TRIO: variants seen among roughly 807,000 people sequenced by gnomAD.
TRIO encodes trio Rho guanine nucleotide exchange factor, also known as triple functional domain protein.
Under a neutral mutation model 351.9 loss-of-function variants are expected in TRIO, and 58 were observed. That is an observed-to-expected ratio of 0.16 (90% confidence interval 0.13 to 0.21). The LOEUF (loss-of-function observed/expected upper bound fraction) is 0.21, where lower values mean the gene tolerates loss of function less well. TRIO is among the 10% of genes least tolerant of loss of function. The probability of loss-of-function intolerance (pLI) is 1.00; values close to 1 mark genes in which losing one functional copy is unlikely to be tolerated. For missense variants in TRIO, 3,201 were observed against 4,027.8 expected, an observed-to-expected ratio of 0.79 and a Z score of 5.56; for synonymous variants, 1,758 against 1,595.7, an observed-to-expected ratio of 1.10 and a Z score of -2.42.
intron 33 of TRIO, among the ~76,000 whole-genome samples, chr5:14,407,754 C>T (rs1385206719): frequency 6.6e-6 from 1 of 152,090 alleles, no homozygotes; most frequent in Non-Finnish European, 1.5e-5. Context: ...TCCAAAAATC[C>T]CACAAAGTAA....
chr5:14,458,799 G>A (rs1023321626), intron 34 of TRIO, among the ~76,000 whole-genome samples: 5 of 152,180 alleles, frequency 3.3e-5, no homozygotes, highest in Non-Finnish European at 5.9e-5. Context: ...GCTAGGAACT[G>A]TGTCTACCTC....
chr5:14,331,393 G>A, intron 10 of TRIO, among the ~76,000 whole-genome samples: 1 of 152,098 alleles, frequency 6.6e-6, no homozygotes, highest in East Asian at 1.9e-4. Context: ...TTAACTTTCT[G>A]ATCTGAAAAA....
At position 14,369,366 on chromosome 5, in the gene TRIO, G is replaced by C; in HGVS notation, c.3067-8G>C. ...CAAGTCTGAGCCTCAAACTTTTCCT[G>C]CTCACAGGTCTGCAGCGTCCTCGAG... On this transcript the variant is annotated splice_polypyrimidine_tract_variant and splice_region_variant and intron_variant, in intron 17 of 56. Transcript: ENST00000344204. The C allele has an allele frequency of 6.2e-7, 1 of 1,600,446 alleles. No individual in the cohort carries two copies. Among genetic ancestry groups the C allele is most frequent in the East Asian group, 2.2e-5 (1 of 44,460 alleles).
chr5:14,149,129 G>T (rs1032723728), intron 1 of TRIO, among the ~76,000 whole-genome samples: 2 of 152,130 alleles, frequency 1.3e-5, no homozygotes, highest in African/African-American at 4.8e-5. Context: ...AGAGGCTTGC[G>T]GGGCCCTGCA....
intron 1 of TRIO, among the ~76,000 whole-genome samples, chr5:14,257,028 A>G (rs975156727): frequency 3.9e-5 from 6 of 152,186 alleles, no homozygotes; most frequent in Non-Finnish European, 7.3e-5. Context: ...CTCTGTGCCA[A>G]AGTAGAGTGG....
intron 28 of TRIO, among the ~76,000 whole-genome samples, chr5:14,396,765 C>T (rs531157804): frequency 2.0e-5 from 3 of 152,088 alleles, no homozygotes; most frequent in African/African-American, 4.8e-5. Flanking sequence ...CCACCACACC[C>T]GGCCTCTGTT....
At chr5:14,507,592 G>A (rs1389283269) in intron 56 of TRIO, among the ~76,000 whole-genome samples, 2 of 152,084 alleles carry the variant, frequency 1.3e-5, no homozygotes, top group Non-Finnish European at 2.9e-5. Context: ...TGCTGGGAGG[G>A]AAAATGAACA....
At chr5:14,366,112 T>C (rs1056680367) in intron 15 of TRIO, among the ~76,000 whole-genome samples, 2 of 152,026 alleles carry the variant, frequency 1.3e-5, no homozygotes, top group Non-Finnish European at 2.9e-5. Context: ...TTAAGCCCTC[T>C]CTCAAAGTTG....
At chr5:14,190,778 C>G (rs1346074521) in intron 1 of TRIO, among the ~76,000 whole-genome samples, 2 of 152,084 alleles carry the variant, frequency 1.3e-5, no homozygotes, top group Non-Finnish European at 2.9e-5. Context: ...AAATCCACCT[C>G]AAAAAGAAGT....
rs1462004991 is a variant in TRIO at position 14,461,251 on chromosome 5, C to T, written c.5436C>T (p.Ala1812=). 9 of 1,593,594 alleles carry T rather than the reference C, an allele frequency of 5.6e-6. No homozygotes were observed. In the Admixed American group the frequency reaches 1.0e-4, roughly 18 times the overall value. ...GCGAGGTCCGCAAGAGCGCCGACGCCGGCTCGCAGAAGGACTCCGACGACA... is the reference window on the plus strand; with the variant it reads ...GCGAGGTCCGCAAGAGCGCCGACGCTGGCTCGCAGAAGGACTCCGACGACA... The part of the protein sequence containing the change: ...KSREVRKSAD[A]GSQKDSDDSA... Residue 1812 remains alanine, a synonymous_variant, in exon 35 of 57, where the codon GCC becomes GCT. Transcript: ENST00000344204.
chr5:14,289,100 A>T (rs1736691027), intron 4 of TRIO, among the ~76,000 whole-genome samples: 1 of 151,796 alleles, frequency 6.6e-6, no homozygotes. Flanking sequence ...AAAATTAGCC[A>T]GGTGTGGCCG....
chr5:14,374,091 C>G (rs970977767), intron 18 of TRIO, 138 bp from the exon 19 acceptor site: 2 of 569,662 alleles, frequency 3.5e-6, no homozygotes, highest in Admixed American at 6.1e-5. Context: ...TAGATTTTAT[C>G]CTATGCATTT....
At position 14,277,731 on chromosome 5, in the gene TRIO, C is replaced by A. The variant is rs113717273; in HGVS notation, c.233-2591C>A. On this transcript the variant is annotated intron_variant, in intron 2 of 56. Coordinates refer to ENST00000344204, the MANE Select transcript of TRIO (RefSeq NM_007118.4). ...TACTTCCTGTGATGTTGGAAACCAA[C>A]CTAAATCTTGGGGAATAGAATTAAA... Among the ~76,000 whole-genome samples, 1,262 of 152,312 alleles carry A rather than the reference C, an allele frequency of 8.3e-3. 15 individuals are homozygous for A. The highest frequency in any genetic ancestry group is 0.028 in the African/African-American group (1,183 of 41,584).
At position 14,437,693 on chromosome 5, in the gene TRIO, C is replaced by G. The variant is rs937554438; in HGVS notation, c.5203+17672C>G. On this transcript the variant is annotated intron_variant, in intron 34 of 56. Transcript: ENST00000344204. ...GCATATTGGATGAGGACCACCCCCCCCGCCCCAAGGACCTCATTTTAACTC... is the reference window on the plus strand; with the variant it reads ...GCATATTGGATGAGGACCACCCCCCGCGCCCCAAGGACCTCATTTTAACTC... Among the ~76,000 whole-genome samples, 36 of 141,368 alleles carry G rather than the reference C, an allele frequency of 2.5e-4. 1 individual carries two copies. Among genetic ancestry groups the G allele is most frequent in the African/African-American group, 9.4e-4 (34 of 36,256 alleles). 92.7% of individuals were successfully genotyped at this position (141,368 alleles called of 152,430 possible). A position where few individuals can be genotyped will look rare whatever the true frequency, so the allele number is the denominator to read the frequency against.
intron 34 of TRIO, among the ~76,000 whole-genome samples, chr5:14,438,346 C>CA (rs1202896655): frequency 1.3e-5 from 2 of 152,222 alleles, no homozygotes; most frequent in Non-Finnish European, 2.9e-5. Flanking sequence ...AATGTTCTCA[C>CA]ACGGCAGATA....
At chr5:14,391,135 A>G (rs1200730835) in intron 27 of TRIO, 145 bp downstream of exon 27, 6 of 616,974 alleles carry the variant, frequency 9.7e-6, no homozygotes, top group Non-Finnish European at 1.4e-5. Context: ...TATCATGTCT[A>G]TTGGGCTATT....
Position 14,280,364 on chromosome 5 carries a change from C to T in TRIO, c.275C>T (p.Ala92Val), listed in dbSNP as rs1735891783. ...KRGGPILTFP[A>V]RSNHDRIRQE... The stretch of plus-strand genomic sequence containing the variant: ...GGAGGTCCCATTTTAACGTTTCCGG[C>T]CCGCAGCAATCATGACAGAATACGA... Residue 92 changes from alanine (A) to valine (V), a missense_variant, in exon 3 of 57, where the codon GCC becomes GTC. Around this residue, in one of 19 missense-constraint regions of TRIO, gnomAD observed 109 missense variants for 134.6 expected, o/e 0.81. Transcript: ENST00000344204. The T allele has an allele frequency of 1.9e-6, 3 of 1,613,998 alleles. No individual in the cohort carries two copies.
intron 1 of TRIO, among the ~76,000 whole-genome samples, chr5:14,166,854 T>C (rs1018782190): frequency 1.3e-5 from 2 of 152,166 alleles, no homozygotes; most frequent in Non-Finnish European, 2.9e-5. Flanking sequence ...TGTGCGTGTC[T>C]GTGGAATATG....
At chr5:14,259,576 A>G (rs1432827984) in intron 1 of TRIO, among the ~76,000 whole-genome samples, 2 of 152,212 alleles carry the variant, frequency 1.3e-5, no homozygotes, top group African/African-American at 4.8e-5. Context: ...GCAGGACAGC[A>G]GCACCTGAGT....
Sources: allele counts gnomAD v4.1 joint callset (sites outside exome capture counted in the v4.1 genomes callset), GRCh38; gene constraint gnomAD v4.1.1; regional missense constraint gnomAD v4.1.1; transcripts MANE v1.5; gene names NCBI Gene and HGNC (gene_info 2026-07-23, HGNC 2026-07-21).